Variants in NSMCE2 observed in about 807,000 individuals in gnomAD.
The protein encoded by NSMCE2 is NSE2 SUMO ligase component of SMC5/6 complex, also known as E3 SUMO-protein ligase NSE2.
In NSMCE2, 24 loss-of-function variants were observed where a neutral mutation model predicts 23.8. The observed-to-expected ratio is 1.01, with a 90% CI of 0.73 to 1.42. The LOEUF (loss-of-function observed/expected upper bound fraction) is 1.42, where lower values mean the gene tolerates loss of function less well. Ranked by LOEUF, NSMCE2 falls within the 40% of genes most tolerant of loss-of-function variation. NSMCE2 has a pLI of 0.00. For synonymous variants in NSMCE2, 92 were observed against 94.1 expected, an observed-to-expected ratio of 0.98 and a Z score of 0.13; for missense variants, 284 against 296.5, an observed-to-expected ratio of 0.96 and a Z score of 0.31.
At chr8:125,249,775 T>C (rs532545291) in intron 5 of NSMCE2, among the ~76,000 whole-genome samples, 1 of 152,288 alleles carries the variant, frequency 6.6e-6, no homozygotes, top group Non-Finnish European at 1.5e-5. Flanking sequence ...AATGTTTTTT[T>C]CCCAAAACCT....
intron 1 of NSMCE2, among the ~76,000 whole-genome samples, chr8:125,100,864 G>A (rs1169150992): frequency 6.6e-6 from 1 of 152,104 alleles, no homozygotes; most frequent in Non-Finnish European, 1.5e-5. Context: ...CCTGGCCAAA[G>A]GCTGAATATT....
intron 5 of NSMCE2, among the ~76,000 whole-genome samples, chr8:125,257,709 T>C (rs1432338432): frequency 6.6e-6 from 1 of 151,968 alleles, no homozygotes; most frequent in Non-Finnish European, 1.5e-5. Context: ...AATTTTTTTG[T>C]ATTTTTAGTA....
At chr8:125,184,475 A>G (rs1822996749) in intron 5 of NSMCE2, among the ~76,000 whole-genome samples, 1 of 152,112 alleles carries the variant, frequency 6.6e-6, no homozygotes, top group African/African-American at 2.4e-5. Flanking sequence ...CTTCCTTATA[A>G]AGTTTCCCTG....
intron 3 of NSMCE2, among the ~76,000 whole-genome samples, chr8:125,144,276 T>G (rs969607898): frequency 6.6e-6 from 1 of 152,184 alleles, no homozygotes; most frequent in African/African-American, 2.4e-5. Context: ...TTAGAATAGT[T>G]GGTCAAAAAG....
intron 3 of NSMCE2, among the ~76,000 whole-genome samples, chr8:125,104,083 C>T (rs911895672): frequency 1.3e-5 from 2 of 151,724 alleles, no homozygotes; most frequent in Non-Finnish European, 2.9e-5. Context: ...CTCCGCCTCC[C>T]GGGTTCAAGC....
chr8:125,173,411 G>A (rs568876310), intron 4 of NSMCE2, among the ~76,000 whole-genome samples: 1 of 152,146 alleles, frequency 6.6e-6, no homozygotes, highest in African/African-American at 2.4e-5. Flanking sequence ...ACAATGTTTT[G>A]TATTATTCAC....
intron 5 of NSMCE2, among the ~76,000 whole-genome samples, chr8:125,210,393 AAG>A (rs1186933732): frequency 6.6e-6 from 1 of 152,188 alleles, no homozygotes; most frequent in African/African-American, 2.4e-5. Flanking sequence ...ATTTTCCTGA[AAG>A]AGAGAGCTCA....
At chr8:125,353,907 A>G (rs1442601234) in intron 5 of NSMCE2, among the ~76,000 whole-genome samples, 2 of 148,176 alleles carry the variant, frequency 1.3e-5, no homozygotes, top group East Asian at 4.0e-4. Context: ...TAAAAAATAT[A>G]TATATATATA....
intron 4 of NSMCE2, among the ~76,000 whole-genome samples, chr8:125,165,378 C>T (rs1481321452): frequency 3.3e-5 from 5 of 152,168 alleles, no homozygotes; most frequent in African/African-American, 9.7e-5. Flanking sequence ...ATTTAAATGT[C>T]GTTCTAATAT....
intron 5 of NSMCE2, among the ~76,000 whole-genome samples, chr8:125,285,621 A>T (rs975681018): frequency 6.6e-6 from 1 of 152,168 alleles, no homozygotes; most frequent in African/African-American, 2.4e-5. Flanking sequence ...AGTGTCTGGC[A>T]CATAGTAAGT....
chr8:125,173,504 A>C (rs1369886624), intron 4 of NSMCE2, among the ~76,000 whole-genome samples: 1 of 152,200 alleles, frequency 6.6e-6, no homozygotes, highest in African/African-American at 2.4e-5. Flanking sequence ...AGCATTCTGA[A>C]AGATGATCTT....
chr8:125,255,530 C>G (rs953533917), intron 5 of NSMCE2, among the ~76,000 whole-genome samples: 7 of 151,954 alleles, frequency 4.6e-5, no homozygotes, highest in African/African-American at 1.2e-4. Context: ...GTGTTCTAGG[C>G]AGAGGGGACA....
chr8:125,275,508 C>T (rs561693549), intron 5 of NSMCE2, among the ~76,000 whole-genome samples: 2 of 152,162 alleles, frequency 1.3e-5, no homozygotes, highest in Non-Finnish European at 2.9e-5. Flanking sequence ...TTCTCTTCCT[C>T]TTACTGCCCT....
chr8:125,150,668 C>G (rs1820961662), intron 3 of NSMCE2, among the ~76,000 whole-genome samples: 3 of 152,128 alleles, frequency 2.0e-5, no homozygotes, highest in Admixed American at 2.0e-4. Context: ...AGACGTTAGT[C>G]ACCACGCCCG....
At chr8:125,273,002 C>G (rs902777756) in intron 5 of NSMCE2, among the ~76,000 whole-genome samples, 3 of 152,120 alleles carry the variant, frequency 2.0e-5, no homozygotes, top group African/African-American at 7.2e-5. Context: ...CCTGATTCTG[C>G]AGCAGTGTGG....
intron 5 of NSMCE2, among the ~76,000 whole-genome samples, chr8:125,183,088 C>T (rs956176190): frequency 2.6e-5 from 4 of 152,226 alleles, no homozygotes; most frequent in African/African-American, 9.6e-5. Flanking sequence ...CCTTTTCTAA[C>T]TTTAGTCTCC....
In NSMCE2 at chr8:125,357,714, G is replaced by A; in HGVS notation, c.522G>A (p.Glu174=). The change falls in exon 7 of 8, where the codon GAG becomes GAA. Residue 174 remains glutamate (E), a splice_region_variant and synonymous_variant. Coordinates refer to ENST00000287437, the MANE Select transcript of NSMCE2 (RefSeq NM_173685.4). ...QTNFTCPITK[E]EMKKPVKNKV... is the part of the protein sequence containing the mutation. ...GCCCAACATCTCCTTGATTACAGGAGGAAATGAAGAAGCCAGTGAAAAATA... is the reference window on the plus strand; with the variant it reads ...GCCCAACATCTCCTTGATTACAGGAAGAAATGAAGAAGCCAGTGAAAAATA... 1.2e-6 allele frequency: 2 copies of A among 1,609,302 alleles called. No homozygotes were observed. The highest frequency in any genetic ancestry group is 4.5e-5 in the East Asian group (2 of 44,868).
At chr8:125,229,953 A>G (rs1285803065) in intron 5 of NSMCE2, among the ~76,000 whole-genome samples, 3 of 152,186 alleles carry the variant, frequency 2.0e-5, no homozygotes, top group Non-Finnish European at 4.4e-5. Flanking sequence ...TATATTTTAA[A>G]AATTTAATTT....
At chr8:125,154,219 CTT>C (rs911429039) in intron 4 of NSMCE2, among the ~76,000 whole-genome samples, 4 of 152,094 alleles carry the variant, frequency 2.6e-5, no homozygotes, top group Non-Finnish European at 4.4e-5. Context: ...GATTTAAAAA[CTT>C]TTTTAATCAT....
Sources: gnomAD v4.1 joint callset for allele counts (sites outside exome capture counted in the v4.1 genomes callset) on GRCh38, gnomAD v4.1.1 for gene constraint, MANE v1.5 for transcripts, NCBI Gene and HGNC (gene_info 2026-07-23, HGNC 2026-07-21) for gene names.